Variants in KALRN observed in about 807,000 individuals in gnomAD.
KALRN encodes the protein kalirin.
A neutral mutation model predicts 353.7 loss-of-function variants in KALRN; 70 were observed. That is an observed-to-expected ratio of 0.20 (90% CI 0.16 to 0.24). The LOEUF is 0.24. Ranked by LOEUF, KALRN falls within the 10% of genes least tolerant of loss-of-function variation. KALRN has a pLI of 1.00. For missense variants in KALRN, 2,791 were observed against 3,756.7 expected (o/e 0.74, Z 6.72); for synonymous variants, 1,391 against 1,434.8 (o/e 0.97, Z 0.69).
chr3:124,505,142 A>G (rs565637309), intron 33 of KALRN, among the ~76,000 whole-genome samples: 2 of 152,160 alleles, frequency 1.3e-5, no homozygotes, highest in African/African-American at 2.4e-5. Flanking sequence ...TTCTGTATCA[A>G]TTAAGGAGAA....
intron 6 of KALRN, among the ~76,000 whole-genome samples, chr3:124,318,985 G>C (rs1258465211): frequency 6.6e-6 from 1 of 152,054 alleles, no homozygotes; most frequent in African/African-American, 2.4e-5. Context: ...AAATAAAGTG[G>C]TTTTGTATTC....
At chr3:124,399,931 T>A (rs567211285) in intron 13 of KALRN, among the ~76,000 whole-genome samples, 2 of 152,306 alleles carry the variant, frequency 1.3e-5, no homozygotes, top group African/African-American at 4.8e-5. Context: ...CACTTTTTCC[T>A]TTTCAGGGAT....
intron 15 of KALRN, among the ~76,000 whole-genome samples, chr3:124,423,776 A>G (rs923845362): frequency 6.6e-6 from 1 of 152,178 alleles, no homozygotes; most frequent in African/African-American, 2.4e-5. Flanking sequence ...GAGGCTAAGG[A>G]AGAAGGATCA....
intron 3 of KALRN, among the ~76,000 whole-genome samples, chr3:124,256,195 A>G (rs890333942): frequency 3.3e-5 from 5 of 152,182 alleles, no homozygotes; most frequent in Non-Finnish European, 5.9e-5. Context: ...AGAAAGTGGC[A>G]TTTGTCTCCC....
At chr3:124,411,233 G>T (rs1487106033) in intron 13 of KALRN, among the ~76,000 whole-genome samples, 2 of 152,046 alleles carry the variant, frequency 1.3e-5, no homozygotes, top group African/African-American at 2.4e-5. Context: ...GCACAAGCAG[G>T]TTCTCTAGAG....
intron 33 of KALRN, among the ~76,000 whole-genome samples, chr3:124,503,253 A>T (rs1197469224): frequency 2.0e-5 from 3 of 152,176 alleles, no homozygotes; most frequent in African/African-American, 7.2e-5. Flanking sequence ...CCTGGAGTAG[A>T]TATATCTGAA....
chr3:124,587,012 T>C (rs1437307971), intron 34 of KALRN, among the ~76,000 whole-genome samples: 2 of 152,212 alleles, frequency 1.3e-5, no homozygotes, highest in African/African-American at 4.8e-5. Context: ...AAGGTCTGTA[T>C]TGAGCCTGAG....
intron 45 of KALRN, among the ~76,000 whole-genome samples, chr3:124,663,783 A>C (rs2085202539): frequency 6.6e-6 from 1 of 152,172 alleles, no homozygotes; most frequent in African/African-American, 2.4e-5. Context: ...AATGAAATAG[A>C]TACAAGACAG....
intron 51 of KALRN, among the ~76,000 whole-genome samples, chr3:124,693,394 A>T (rs542112475): frequency 6.6e-6 from 1 of 152,116 alleles, no homozygotes; most frequent in African/African-American, 2.4e-5. Flanking sequence ...CAGGTCCTCT[A>T]TTTTTGAGTT....
At chr3:124,518,817 G>A (rs1271056516) in intron 33 of KALRN, 1 of 1,166,008 alleles carries the variant, frequency 8.6e-7, no homozygotes, top group Non-Finnish European at 1.1e-6. Flanking sequence ...CTGCCCTAGA[G>A]GTCTGCAACA....
intron 1 of KALRN, among the ~76,000 whole-genome samples, chr3:124,076,935 T>C (rs2060288836): frequency 6.6e-6 from 1 of 152,260 alleles, no homozygotes; most frequent in Non-Finnish European, 1.5e-5. Context: ...AAAGACATTG[T>C]GTTGGTCAGA....
intron 6 of KALRN, among the ~76,000 whole-genome samples, chr3:124,307,832 A>T (rs2077856653): frequency 6.6e-6 from 1 of 152,048 alleles, no homozygotes; most frequent in Admixed American, 6.5e-5. Context: ...GTCAGACTGG[A>T]TTTAAAAACC....
chr3:124,478,889 C>T (rs978857962), intron 27 of KALRN, among the ~76,000 whole-genome samples: 15 of 152,260 alleles, frequency 9.9e-5, no homozygotes, highest in African/African-American at 3.6e-4. Context: ...TAGATTGTGT[C>T]CTCTCCACAC....
intron 33 of KALRN, among the ~76,000 whole-genome samples, chr3:124,512,395 T>C (rs1039207351): frequency 1.3e-5 from 2 of 152,250 alleles, no homozygotes; most frequent in African/African-American, 2.4e-5. Flanking sequence ...CTTACGCCTA[T>C]AATCCCAACA....
At chr3:124,053,059 T>C (rs543321923) in intron 1 of KALRN, among the ~76,000 whole-genome samples, 2 of 152,296 alleles carry the variant, frequency 1.3e-5, no homozygotes, top group Admixed American at 1.3e-4. Context: ...TTTAAAGATA[T>C]GGGGTCTCAC....
chr3:124,637,112 C>T (rs2081433052), intron 36 of KALRN, 96 bp from the exon 37 acceptor site: 1 of 1,029,334 alleles, frequency 9.7e-7, no homozygotes. Context: ...TGCTTCCCTT[C>T]CCTGGCTTGA....
chr3:124,433,083 T>G (rs2093340571), intron 16 of KALRN, among the ~76,000 whole-genome samples: 1 of 152,168 alleles, frequency 6.6e-6, no homozygotes, highest in Non-Finnish European at 1.5e-5. Flanking sequence ...GATAAGCTAT[T>G]TCAAAGGGAG....
At chr3:124,534,993 C>T (rs1187979258) in intron 33 of KALRN, among the ~76,000 whole-genome samples, 3 of 151,960 alleles carry the variant, frequency 2.0e-5, no homozygotes, top group African/African-American at 7.3e-5. Flanking sequence ...CTCAAATTCC[C>T]AGGAATCAGG....
At chr3:124,445,777 A>G (rs2093817344) in intron 19 of KALRN, among the ~76,000 whole-genome samples, 1 of 152,166 alleles carries the variant, frequency 6.6e-6, no homozygotes, top group Non-Finnish European at 1.5e-5. Flanking sequence ...AATGACTGAG[A>G]TTCCTGTCAA....
Sources: allele counts gnomAD v4.1 joint callset (sites outside exome capture counted in the v4.1 genomes callset), GRCh38; gene constraint gnomAD v4.1.1; transcripts MANE v1.5; gene names NCBI Gene and HGNC (gene_info 2026-07-23, HGNC 2026-07-21).